Variants in DNAJA4 observed in about 807,000 individuals in gnomAD.
The protein encoded by DNAJA4 is dnaJ homolog subfamily A member 4.
A neutral mutation model predicts 39.7 loss-of-function variants in DNAJA4; 32 were observed. The observed-to-expected ratio is 0.81, with a 90% CI of 0.61 to 1.08. The LOEUF is 1.08. Among genes scored for constraint, DNAJA4 ranks in the 50% least tolerant of loss-of-function variants. The pLI, the probability that DNAJA4 is intolerant of heterozygous loss-of-function variation, is 0.00. For missense variants in DNAJA4, 439 were observed against 505.1 expected, an observed-to-expected ratio of 0.87 and a Z score of 1.25; for synonymous variants, 184 against 182.4, an observed-to-expected ratio of 1.01 and a Z score of -0.07.
In DNAJA4 at chr15:78,281,797, G is replaced by A. The variant is rs568658677; in HGVS notation, c.*1337G>A. 4 of 152,330 alleles carry A rather than the reference G, an allele frequency of 2.6e-5. No individual in the cohort carries two copies. In the South Asian group the frequency reaches 6.2e-4, roughly 24 times the overall value. 9.4% of individuals were successfully genotyped at this position (152,330 alleles called of 1,614,324 possible). A position where few individuals can be genotyped will look rare whatever the true frequency, so the allele number is the denominator to read the frequency against. Reference sequence around the variant, plus strand: ...CTCAGACCAGGGATCTTCCTTAGGAGGGTCAAAGTGCAGATCAGACCATGC... The same window carrying A: ...CTCAGACCAGGGATCTTCCTTAGGAAGGTCAAAGTGCAGATCAGACCATGC... On this transcript the variant is annotated 3_prime_UTR_variant, in exon 7 of 7. Transcript: ENST00000394852.
upstream of DNAJA4, chr15:78,264,350 G>A (rs1366705367): frequency 1.4e-6 from 2 of 1,448,902 alleles, no homozygotes; most frequent in Admixed American, 2.7e-5. Context: ...GAGCTCCGGG[G>A]AATCAGACGG....
In DNAJA4 at chr15:78,273,121, G is replaced by A. The variant is rs775271660; in HGVS notation, c.340G>A (p.Val114Ile). 1.2e-6 allele frequency: 2 copies of A among 1,602,474 alleles called. No individual in the cohort carries two copies. Among genetic ancestry groups the A allele is most frequent in the Non-Finnish European group, 1.7e-6 (2 of 1,170,856 alleles). ...CAAGAATGTTGTACACCAGTTATCT[G>A]TAACTCTTGAAGATCTATATAATGG... Reference protein sequence around the residue: ...RGKNVVHQLSVTLEDLYNGVT... With the variant: ...RGKNVVHQLSITLEDLYNGVT... Residue 114 changes from valine (V) to isoleucine (I), a missense_variant, in exon 3 of 7, where the codon GTA (valine) becomes ATA (isoleucine). Physicochemically the swap from Val to Ile is conservative, Grantham distance 29. Coordinates refer to ENST00000394852, the MANE Select transcript of DNAJA4 (RefSeq NM_001130182.2).
At chr15:78,265,602 CAG>C (rs1271318030) in intron 1 of DNAJA4, 23 of 702,232 alleles carry the variant, frequency 3.3e-5, no homozygotes, top group African/African-American at 3.1e-4. Context: ...ATTTTAGAGA[CAG>C]AAGTTAAAAG....
chr15:78,267,691 C>G (rs1202532570), intron 1 of DNAJA4, among the ~76,000 whole-genome samples: 1 of 152,146 alleles, frequency 6.6e-6, no homozygotes, highest in African/African-American at 2.4e-5. Context: ...TTTTAGAACA[C>G]AGAGGGAAAC....
intron 4 of DNAJA4, 94 bp downstream of exon 4, chr15:78,274,518 C>A: frequency 1.8e-6 from 2 of 1,091,394 alleles, no homozygotes; most frequent in Admixed American, 1.9e-5. Context: ...GGGAAGTGAG[C>A]TGTATCACAA....
intron 1 of DNAJA4, among the ~76,000 whole-genome samples, chr15:78,267,217 T>A (rs1227327848): frequency 2.0e-5 from 3 of 150,786 alleles, no homozygotes; most frequent in Admixed American, 1.3e-4. Flanking sequence ...TGTGTATGTG[T>A]GTGTAGTTCT....
At position 78,274,398 on chromosome 15, in the gene DNAJA4, A is replaced by T. The variant is rs138390165; in HGVS notation, c.620A>T (p.Lys207Met). 194 of 1,614,042 alleles carry T rather than the reference A, an allele frequency of 1.2e-4. No individual in the cohort carries two copies. The highest frequency in any genetic ancestry group is 1.5e-4 in the Non-Finnish European group (176 of 1,180,034). Reference protein sequence around the residue: ...CSGAKVIREKKIIEVHVEKGM... With the variant: ...CSGAKVIREKMIIEVHVEKGM... ...GGGGCCAAGGTGATCCGTGAGAAGA[A>T]GATTATCGAGGTACATGTTGAAAAA... Residue 207 changes from lysine (K) to methionine (M), a missense_variant, in exon 4 of 7, where the codon AAG (lysine) becomes ATG (methionine). Lys to Met is a moderately conservative substitution (Grantham distance 95). Transcript: ENST00000394852.
chr15:78,275,701 C>T lies in DNAJA4; in HGVS notation c.850C>T (p.Arg284Ter), dbSNP rs777655450. The change falls in exon 5 of 7, where the codon CGA (arginine) becomes TGA (stop). Residue 284 changes from arginine to a stop codon, truncating the protein, a stop_gained. Transcript: ENST00000394852. LOFTEE classifies it high-confidence loss of function. ...FKKTIKTLDN[R>*]ILVITSKAGE... ...GAAGACGATAAAAACATTGGACAAT[C>T]GAATTCTTGTTATTACATCCAAAGC... 2.5e-6 allele frequency: 4 copies of T among 1,611,628 alleles called. No individual in the cohort carries two copies. The highest frequency in any genetic ancestry group is 1.1e-5 in the South Asian group (1 of 91,030).
chr15:78,271,668 C>T (rs982097353), intron 2 of DNAJA4, among the ~76,000 whole-genome samples: 1 of 152,212 alleles, frequency 6.6e-6, no homozygotes, highest in African/African-American at 2.4e-5. Context: ...GGGATTTGTT[C>T]TTCCTAATTT....
Sources: gnomAD v4.1 joint callset for allele counts (sites outside exome capture counted in the v4.1 genomes callset) on GRCh38, gnomAD v4.1.1 for gene constraint, MANE v1.5 for transcripts, NCBI Gene and HGNC (gene_info 2026-07-23, HGNC 2026-07-21) for gene names.